Variants in FXR1 observed in about 807,000 individuals in gnomAD.
The protein encoded by FXR1 is RNA-binding protein FXR1.
Under a neutral mutation model 84.0 loss-of-function variants are expected in FXR1, and 15 were observed. That is an observed-to-expected ratio of 0.18 (90% confidence interval 0.12 to 0.27). The LOEUF (loss-of-function observed/expected upper bound fraction) is 0.27. FXR1 is among the 10% of genes least tolerant of loss of function. FXR1 has a pLI of 1.00. For missense variants in FXR1, 480 were observed against 774.4 expected (o/e 0.62, Z 4.51); for synonymous variants, 245 against 250.7 (o/e 0.98, Z 0.21).
intron 14 of FXR1, chr3:180,968,503 G>A (rs776948074): frequency 3.0e-6 from 1 of 331,464 alleles, no homozygotes; most frequent in East Asian, 5.2e-5. Context: ...AGGGTCAGAT[G>A]TTTCTCTCTT....
chr3:180,915,385 T>A, intron 1 of FXR1: 1 of 669,676 alleles, frequency 1.5e-6, no homozygotes, highest in Non-Finnish European at 2.5e-6. Flanking sequence ...TCTGTCCCCA[T>A]AGTTTTTCTT....
At chr3:180,974,263 A>G (rs937394776) in intron 15 of FXR1, among the ~76,000 whole-genome samples, 4 of 151,948 alleles carry the variant, frequency 2.6e-5, no homozygotes, top group Admixed American at 2.0e-4. Flanking sequence ...GGTTCAAGCA[A>G]TGCTCTTGCC....
Position 180,949,242 on chromosome 3 carries a change from A to G in FXR1, c.529A>G (p.Thr177Ala), listed in dbSNP as rs752775874. 7.6e-6 allele frequency: 12 copies of G among 1,573,986 alleles called. No individual in the cohort carries two copies. The highest frequency in any genetic ancestry group is 3.3e-5 in the Admixed American group (2 of 59,972). Residue 177 changes from threonine to alanine, a missense_variant, in exon 7 of 17, where the codon ACT becomes GCT. Physicochemically the swap from Thr to Ala is moderately conservative, Grantham distance 58. Around this residue, in one of 6 missense-constraint regions of FXR1, gnomAD observed 136 missense variants for 315.4 expected, o/e 0.43. Transcript: ENST00000357559. ...QLMILSASEA[T>A]VKRVNILSDM... ...TTGTTTATAGTCTGCCAGTGAAGCA[A>G]CTGTGAAGAGAGTAAACATCTTAAG...
At chr3:180,954,705 CATT>C (rs1722565318) in intron 9 of FXR1, among the ~76,000 whole-genome samples, 2 of 151,954 alleles carry the variant, frequency 1.3e-5, no homozygotes, top group Admixed American at 6.6e-5. Flanking sequence ...TGTTATCTCT[CATT>C]ATTTTTTTTT....
intron 1 of FXR1, among the ~76,000 whole-genome samples, chr3:180,920,402 G>T (rs1386296059): frequency 1.3e-5 from 2 of 152,006 alleles, no homozygotes; most frequent in African/African-American, 4.8e-5. Flanking sequence ...TTTTTTTAAA[G>T]AAGTTATGTT....
Position 180,975,368 on chromosome 3 carries a change from C to A in FXR1, c.1659C>A (p.Leu553=). 6.5e-7 allele frequency: 1 copy of A among 1,533,048 alleles called. No individual in the cohort carries two copies. The highest frequency in any genetic ancestry group is 9.0e-7 in the Non-Finnish European group (1 of 1,116,352). The allele number at this position is 1,533,048 out of a possible 1,614,324, so 95.0% of individuals were successfully genotyped here. The part of the protein sequence containing the change: ...RAESQSRQRN[L]PRETLAKNKK... ...AGTCTCAGAGCAGACAAAGAAACCT[C>A]CCAAGGGAAACTTTGGCTAAAAACA... The change falls in exon 16 of 17, where the codon CTC becomes CTA. Residue 553 remains leucine, a synonymous_variant. Coordinates refer to ENST00000357559, the MANE Select transcript of FXR1 (RefSeq NM_005087.4).
chr3:180,956,452 G>T (rs1242533077), intron 9 of FXR1, among the ~76,000 whole-genome samples: 1 of 152,196 alleles, frequency 6.6e-6, no homozygotes, highest in African/African-American at 2.4e-5. Context: ...GACCCCAGAA[G>T]GGTGATGGAT....
intron 3 of FXR1, among the ~76,000 whole-genome samples, chr3:180,938,903 T>C (rs952427796): frequency 4.0e-5 from 6 of 151,848 alleles, no homozygotes; most frequent in African/African-American, 1.5e-4. Flanking sequence ...ATTTTTTATT[T>C]TTTATTTTTT....
chr3:180,972,440 T>C (rs1713697988), intron 15 of FXR1, among the ~76,000 whole-genome samples: 2 of 152,186 alleles, frequency 1.3e-5, no homozygotes, highest in South Asian at 4.1e-4. Context: ...TGGGTGACAG[T>C]GAGACCCTGT....
Position 180,963,052 on chromosome 3 carries a change from G to A in FXR1, c.1160G>A (p.Gly387Asp). The A allele has an allele frequency of 1.2e-6, 2 of 1,605,646 alleles. No homozygotes were observed. The highest frequency in any genetic ancestry group is 1.7e-6 in the Non-Finnish European group (2 of 1,172,710). The change falls in exon 13 of 17, where the codon GGC (glycine) becomes GAC (aspartate). Residue 387 changes from glycine (G) to aspartate (D), a missense_variant. Around this residue, in one of 6 missense-constraint regions of FXR1, gnomAD observed 157 missense variants for 227.8 expected, o/e 0.69. Coordinates refer to ENST00000357559, the MANE Select transcript of FXR1 (RefSeq NM_005087.4). ...GGTTCTAGGTCTTATAGCGGAAGAG[G>A]CAGAGGTCGTCGGGGACCTAATTAC... ...QIGSRSYSGR[G>D]RGRRGPNYTS...
chr3:180,970,080 A>C, intron 14 of FXR1, 78 bp from the exon 15 acceptor site: 1 of 687,982 alleles, frequency 1.5e-6, no homozygotes, highest in Non-Finnish European at 2.7e-6. Context: ...TTTGTCATTG[A>C]TATAGTTCAA....
At chr3:180,913,123 T>G (rs968116134) in intron 1 of FXR1, among the ~76,000 whole-genome samples, 5 of 151,108 alleles carry the variant, frequency 3.3e-5, no homozygotes, top group African/African-American at 1.2e-4. Context: ...TCTCACCCGC[T>G]CCCCCGCCCC....
At chr3:180,966,612 C>G (rs1712863746) in intron 13 of FXR1, among the ~76,000 whole-genome samples, 1 of 152,160 alleles carries the variant, frequency 6.6e-6, no homozygotes, top group African/African-American at 2.4e-5. Flanking sequence ...GTTATACACT[C>G]TGCCAGGCAT....
At chr3:180,951,240 A>T in intron 7 of FXR1, 58 bp from the exon 8 acceptor site, 1 of 1,125,490 alleles carries the variant, frequency 8.9e-7, no homozygotes, top group South Asian at 1.4e-5. Flanking sequence ...ACCAAACCAT[A>T]CAAAAAAGCC....
intron 1 of FXR1, chr3:180,915,693 G>C: frequency 2.9e-6 from 2 of 699,894 alleles, no homozygotes; most frequent in East Asian, 5.4e-5. Context: ...ACACACATTT[G>C]GCCGTAAGTG....
chr3:180,976,915 G>A lies in FXR1; in HGVS notation c.*623G>A, dbSNP rs529853034. ...CTTTGTTTGGTTTATTTATTAAAGT[G>A]TACAGTATTTAAAAATCAAACATAG... is the stretch of plus-strand genomic sequence containing the variant. On this transcript the variant is annotated 3_prime_UTR_variant, in exon 17 of 17. Coordinates refer to ENST00000357559, the MANE Select transcript of FXR1 (RefSeq NM_005087.4). 6 of 152,604 alleles carry A rather than the reference G, an allele frequency of 3.9e-5. No individual in the cohort carries two copies. The highest frequency in any genetic ancestry group is 1.4e-4 in the African/African-American group (6 of 41,524). 9.5% of individuals were successfully genotyped at this position (152,604 alleles called of 1,614,324 possible). A position where few individuals can be genotyped will look rare whatever the true frequency, so the allele number is the denominator to read the frequency against.
In FXR1 at chr3:180,957,879, T is replaced by C; in HGVS notation, c.941T>C (p.Val314Ala). 6.3e-7 allele frequency: 1 copy of C among 1,592,962 alleles called. No homozygotes were observed. The highest frequency in any genetic ancestry group is 8.6e-7 in the Non-Finnish European group (1 of 1,163,822). The change falls in exon 10 of 17, where the codon GTT becomes GCT. Residue 314 changes from valine to alanine, a missense_variant. Physicochemically the swap from Val to Ala is moderately conservative, Grantham distance 64 (BLOSUM62 0). Around this residue, in one of 6 missense-constraint regions of FXR1, gnomAD observed 136 missense variants for 315.4 expected, o/e 0.43. Transcript: ENST00000357559. ...GAAATAGTGGACAAATCTGGTGTGG[T>C]TCGAGTGAGAATTGAAGGGGACAAT... ...IQEIVDKSGVVRVRIEGDNEN... is the reference protein window; with the variant it reads ...IQEIVDKSGVARVRIEGDNEN...
At chr3:180,920,930 A>G (rs550982111) in intron 1 of FXR1, among the ~76,000 whole-genome samples, 66 of 152,366 alleles carry the variant, frequency 4.3e-4, no homozygotes, top group African/African-American at 1.5e-3. Flanking sequence ...GTATGTAAAC[A>G]GTAGTAGTAG....
At chr3:180,964,943 A>T (rs1417501959) in intron 13 of FXR1, among the ~76,000 whole-genome samples, 2 of 151,918 alleles carry the variant, frequency 1.3e-5, no homozygotes, top group Admixed American at 1.3e-4. Flanking sequence ...AACCATCTTC[A>T]TAAGGTGATT....
Sources: allele counts gnomAD v4.1 joint callset (sites outside exome capture counted in the v4.1 genomes callset), GRCh38; gene constraint gnomAD v4.1.1; regional missense constraint gnomAD v4.1.1; transcripts MANE v1.5; gene names NCBI Gene and HGNC (gene_info 2026-07-23, HGNC 2026-07-21).